The following LARP4B variants were observed in gnomAD, a reference collection of about 807,000 sequenced individuals.
The protein encoded by LARP4B is la-related protein 4B.
Under a neutral mutation model 89.8 loss-of-function variants are expected in LARP4B, and 12 were observed. The ratio of observed to expected loss-of-function variants is 0.13; its 90% confidence interval spans 0.09 to 0.22. The LOEUF is 0.22. LARP4B is among the 10% of genes least tolerant of loss of function. The pLI is 1.00. For synonymous variants in LARP4B, 367 were observed against 363.3 expected (o/e 1.01, Z -0.12); for missense variants, 757 against 947.7 (o/e 0.80, Z 2.64).
intron 3 of LARP4B, among the ~76,000 whole-genome samples, chr10:882,785 T>C (rs1436454608): frequency 6.6e-6 from 1 of 152,200 alleles, no homozygotes; most frequent in Non-Finnish European, 1.5e-5. Context: ...GAATTATTCA[T>C]GTATTTCTTT....
chr10:842,629 T>C (rs1275458202), intron 7 of LARP4B, among the ~76,000 whole-genome samples: 1 of 152,236 alleles, frequency 6.6e-6, no homozygotes, highest in African/African-American at 2.4e-5. Context: ...AAATGTTATT[T>C]TTATTTTGTT....
the LARP4B span, among the ~76,000 whole-genome samples, chr10:984,084 T>A: frequency 1.3e-5 from 2 of 152,212 alleles, no homozygotes; most frequent in Non-Finnish European, 2.9e-5. Context: ...AAATCAATTA[T>A]TAAACTTGTG....
At chr10:893,207 G>A (rs1359732163) in intron 1 of LARP4B, among the ~76,000 whole-genome samples, 1 of 151,790 alleles carries the variant, frequency 6.6e-6, no homozygotes, top group East Asian at 1.9e-4. Flanking sequence ...AGCCACTACT[G>A]TGCCTGGCCA....
At chr10:863,619 T>A (rs1282821679) in intron 5 of LARP4B, 124 bp downstream of exon 5, 1 of 1,095,642 alleles carries the variant, frequency 9.1e-7, no homozygotes, top group African/African-American at 1.6e-5. Flanking sequence ...AGGGTGAGTT[T>A]AAAGTAGAAT....
chr10:815,967 G>A (rs1015522164), intron 15 of LARP4B, among the ~76,000 whole-genome samples: 5 of 152,218 alleles, frequency 3.3e-5, no homozygotes, highest in Non-Finnish European at 5.9e-5. Flanking sequence ...GGTGGCTCAC[G>A]CCTATAATCC....
At chr10:973,835 A>G in the LARP4B span, among the ~76,000 whole-genome samples, 2 of 152,148 alleles carry the variant, frequency 1.3e-5, no homozygotes, top group Admixed American at 6.5e-5. Flanking sequence ...CATCTCAGGG[A>G]AGCAGTGATA....
the LARP4B span, among the ~76,000 whole-genome samples, chr10:960,486 C>T: frequency 6.6e-6 from 1 of 151,996 alleles, no homozygotes; most frequent in Non-Finnish European, 1.5e-5. Context: ...GAGGGTGGAT[C>T]ATTTGAGGTC....
the LARP4B span, among the ~76,000 whole-genome samples, chr10:983,312 T>C: frequency 1.3e-5 from 2 of 152,268 alleles, no homozygotes; most frequent in South Asian, 2.1e-4. Flanking sequence ...ATAGCTATTG[T>C]CAACCTTTAC....
intron 8 of LARP4B, among the ~76,000 whole-genome samples, 155 bp from the exon 9 acceptor site, chr10:831,132 T>A (rs1405566166): frequency 5.9e-5 from 9 of 152,014 alleles, no homozygotes; most frequent in African/African-American, 2.2e-4. Flanking sequence ...AGGATGAGGG[T>A]TCAGCAGGGC....
chr10:864,372 G>T, intron 3 of LARP4B, 102 bp from the exon 4 acceptor site: 6 of 1,110,266 alleles, frequency 5.4e-6, no homozygotes, highest in South Asian at 1.4e-5. Context: ...GGCTCCAAAG[G>T]CTCAGCCTAT....
At chr10:824,885 T>C (rs1438202543) in intron 13 of LARP4B, among the ~76,000 whole-genome samples, 180 bp downstream of exon 13, 1 of 152,250 alleles carries the variant, frequency 6.6e-6, no homozygotes, top group African/African-American at 2.4e-5. Flanking sequence ...ACTGAACCAT[T>C]TCATATTCCA....
the LARP4B span, among the ~76,000 whole-genome samples, chr10:967,257 C>A: frequency 3.9e-5 from 6 of 152,102 alleles, no homozygotes; most frequent in Non-Finnish European, 7.3e-5. Context: ...AGGGAGGACA[C>A]TTCAAGGAAT....
chr10:860,417 T>C (rs1564412186), intron 5 of LARP4B, among the ~76,000 whole-genome samples: 1 of 152,204 alleles, frequency 6.6e-6, no homozygotes, highest in Non-Finnish European at 1.5e-5. Context: ...TGCCTTACCA[T>C]TTCTTAAAAG....
chr10:964,762 G>A, the LARP4B span, among the ~76,000 whole-genome samples: 4 of 152,312 alleles, frequency 2.6e-5, no homozygotes, highest in East Asian at 5.8e-4. Flanking sequence ...ACAGTGGCCA[G>A]GACTGTGCTG....
the LARP4B span, among the ~76,000 whole-genome samples, chr10:981,827 A>G: frequency 6.6e-6 from 1 of 152,014 alleles, no homozygotes; most frequent in East Asian, 1.9e-4. Flanking sequence ...TCGGCCTCCC[A>G]AAGTGCTGGA....
intron 1 of LARP4B, among the ~76,000 whole-genome samples, chr10:919,377 T>C (rs1836917980): frequency 6.6e-6 from 1 of 152,130 alleles, no homozygotes; most frequent in Non-Finnish European, 1.5e-5. Context: ...AAAAGGCTTA[T>C]AAGCAAGAAG....
At position 930,205 on chromosome 10, in the gene LARP4B, C is replaced by A. The variant is rs7090569; in HGVS notation, c.-40+1223G>T. On this transcript the variant is annotated intron_variant, in intron 1 of 17. Coordinates refer to ENST00000316157, the MANE Select transcript of LARP4B (RefSeq NM_015155.3). ...TTTCAAGTGCATTTAAATATTCAAA[C>A]AACTGAAACTAAGAGAAAAAAACTT... 8.5e-3 allele frequency among the ~76,000 whole-genome samples: 1,291 copies of A among 152,144 alleles called. 20 individuals carry two copies. The highest frequency in any genetic ancestry group is 0.03 in the African/African-American group (1,225 of 41,476).
At chr10:955,234 C>T in the LARP4B span, among the ~76,000 whole-genome samples, 1 of 152,220 alleles carries the variant, frequency 6.6e-6, no homozygotes, top group African/African-American at 2.4e-5. The surrounding 1 kb of genome is among the most constrained non-coding windows in gnomAD (Gnocchi z 5.2). Context: ...GAGGTAACAC[C>T]CCGACTTCTG....
Position 825,960 on chromosome 10 carries a change from T to C in LARP4B, c.1126-90A>G. 9 of 828,322 alleles carry C rather than the reference T, an allele frequency of 1.1e-5. No homozygotes were observed. In the South Asian group the frequency reaches 1.4e-4, roughly 13 times the overall value. 51.3% of individuals were successfully genotyped at this position (828,322 alleles called of 1,614,324 possible). ...AACAAATCTGTGGAAACTGAGGGCATTTCTTGATGTTGTCAGAGTCATGAC... is the reference window on the plus strand; with the variant it reads ...AACAAATCTGTGGAAACTGAGGGCACTTCTTGATGTTGTCAGAGTCATGAC... On this transcript the variant is annotated intron_variant, in intron 11 of 17. Coordinates refer to ENST00000316157, the MANE Select transcript of LARP4B (RefSeq NM_015155.3).
Sources: gnomAD v4.1 joint callset for allele counts (sites outside exome capture counted in the v4.1 genomes callset) on GRCh38, gnomAD v4.1.1 for gene constraint, Gnocchi (gnomAD v3.1) non-coding constraint, MANE v1.5 for transcripts, NCBI Gene and HGNC (gene_info 2026-07-23, HGNC 2026-07-21) for gene names.